The following NCBP3 variants were observed in gnomAD, a reference collection of about 807,000 sequenced individuals.
NCBP3 encodes nuclear cap-binding protein subunit 3.
A neutral mutation model predicts 75.7 loss-of-function variants in NCBP3; 20 were observed. The observed-to-expected ratio is 0.26, with a 90% CI of 0.19 to 0.38. The LOEUF (loss-of-function observed/expected upper bound fraction) is 0.38. Among genes scored for constraint, NCBP3 ranks in the 10% least tolerant of loss-of-function variants. The probability of loss-of-function intolerance (pLI) is 1.00; values close to 1 mark genes in which losing one functional copy is unlikely to be tolerated. For synonymous variants in NCBP3, 293 were observed against 290.5 expected (o/e 1.01, Z -0.09); for missense variants, 678 against 796.9 (o/e 0.85, Z 1.80).
At chr17:3,835,218 A>T (rs549915310) in intron 3 of NCBP3, among the ~76,000 whole-genome samples, 28 of 152,364 alleles carry the variant, frequency 1.8e-4, no homozygotes, top group African/African-American at 5.5e-4. Flanking sequence ...TAATTTTTTT[A>T]AAAAAGTGCC....
chr17:3,840,342 C>A, intron 2 of NCBP3, 137 bp from the exon 3 acceptor site: 2 of 680,016 alleles, frequency 2.9e-6, no homozygotes, highest in Non-Finnish European at 2.5e-6. Context: ...ATCAGTCTGG[C>A]AGAGACCTGG....
At chr17:3,816,354 G>A in intron 10 of NCBP3, 84 bp from the exon 11 acceptor site, 1 of 1,240,892 alleles carries the variant, frequency 8.1e-7, no homozygotes. Context: ...TACTTTGGAG[G>A]AAACAATTTA....
In NCBP3 at chr17:3,818,486, T is replaced by C. The variant is rs763105788; in HGVS notation, c.1087A>G (p.Met363Val). The part of the protein sequence containing the change: ...EEEEEEEDQD[M>V]DADDRVVVEY... ...ACCACCACTCTGTCATCTGCATCCA[T>C]GTCCTGGTCTTCTTCTTCCTCTTCC... is the stretch of plus-strand genomic sequence containing the variant. Residue 363 changes from methionine to valine, a missense_variant, in exon 10 of 13, where the codon ATG becomes GTG. Around this residue, in one of 7 missense-constraint regions of NCBP3, gnomAD observed 365 missense variants for 392.7 expected, o/e 0.93. Transcript: ENST00000389005. The surrounding 1 kb of genome is among the most constrained non-coding windows in gnomAD (Gnocchi z 4.7). 1.2e-6 allele frequency: 2 copies of C among 1,613,928 alleles called. No individual in the cohort carries two copies. The highest frequency in any genetic ancestry group is 1.1e-5 in the South Asian group (1 of 91,086).
chr17:3,825,049 A>G lies in NCBP3; in HGVS notation c.689T>C (p.Leu230Ser), dbSNP rs750468055. 1 of 1,486,546 alleles carries G rather than the reference A, an allele frequency of 6.7e-7. No homozygotes were observed. The highest frequency in any genetic ancestry group is 1.3e-5 in the South Asian group (1 of 77,910). The allele number at this position is 1,486,546 out of a possible 1,614,324, so 92.1% of individuals were successfully genotyped here. The change falls in exon 7 of 13, where the codon TTG becomes TCG. Residue 230 changes from leucine (L) to serine (S), a missense_variant and splice_region_variant. Transcript: ENST00000389005. ...VEDENSSDVE[L>S]DTLSQVEEES... ...CTCTTCTACCTGAGACAACGTATCC[A>G]ACTTAAGAAAGAAGAGTATTTTTAA... is the stretch of plus-strand genomic sequence containing the variant.
At chr17:3,831,822 CAAT>C (rs1358988208) in intron 3 of NCBP3, among the ~76,000 whole-genome samples, 1 of 120,808 alleles carries the variant, frequency 8.3e-6, no homozygotes, top group African/African-American at 2.5e-5. Flanking sequence ...TGACTACAGT[CAAT>C]AATAATTTAA....
At chr17:3,815,103 TC>T (rs2053504780) in intron 11 of NCBP3, among the ~76,000 whole-genome samples, 1 of 152,150 alleles carries the variant, frequency 6.6e-6, no homozygotes, top group Non-Finnish European at 1.5e-5. Context: ...CTCCAACACT[TC>T]CTAGCACTGA....
chr17:3,828,285 A>G (rs1597404795), intron 4 of NCBP3, among the ~76,000 whole-genome samples: 1 of 152,224 alleles, frequency 6.6e-6, no homozygotes, highest in East Asian at 1.9e-4. Context: ...TGTATTATTT[A>G]TAGTTGCTTT....
At chr17:3,830,021 G>A (rs1212441479) in intron 3 of NCBP3, among the ~76,000 whole-genome samples, 2 of 152,100 alleles carry the variant, frequency 1.3e-5, no homozygotes, top group East Asian at 1.9e-4. Context: ...TTTTTCCTGC[G>A]TCTCTGGTCC....
chr17:3,844,961 G>A (rs78386303), intron 1 of NCBP3, among the ~76,000 whole-genome samples: 4,100 of 152,192 alleles, frequency 0.027, 179 homozygotes, highest in African/African-American at 0.09. Flanking sequence ...AAACCATGTT[G>A]AACTGAATGA....
intron 10 of NCBP3, among the ~76,000 whole-genome samples, chr17:3,816,967 C>A (rs892854877): frequency 9.9e-5 from 15 of 152,140 alleles, no homozygotes; most frequent in African/African-American, 3.4e-4. Flanking sequence ...GCGGAGCTTG[C>A]AGTGAGCCGA....
At chr17:3,836,481 C>A (rs1439283814) in intron 3 of NCBP3, among the ~76,000 whole-genome samples, 1 of 151,666 alleles carries the variant, frequency 6.6e-6, no homozygotes, top group Non-Finnish European at 1.5e-5. Flanking sequence ...GGTGAAACCC[C>A]GTCTCTACTA....
intron 2 of NCBP3, 67 bp downstream of exon 2, chr17:3,843,019 C>T: frequency 8.2e-7 from 1 of 1,219,330 alleles, no homozygotes; most frequent in South Asian, 1.3e-5. Context: ...CTGTTATGTC[C>T]TAGGGATCAA....
intron 3 of NCBP3, among the ~76,000 whole-genome samples, chr17:3,839,417 G>A (rs1222628918): frequency 6.6e-6 from 1 of 151,970 alleles, no homozygotes; most frequent in African/African-American, 2.4e-5. Flanking sequence ...GTGCAATCTC[G>A]GATCACGGCA....
intron 9 of NCBP3, among the ~76,000 whole-genome samples, chr17:3,819,340 G>A (rs920113277): frequency 3.3e-5 from 5 of 152,056 alleles, no homozygotes; most frequent in Non-Finnish European, 5.9e-5. Flanking sequence ...GGCAGATCAC[G>A]AGGTCAGGAA....
In NCBP3 at chr17:3,812,458, A is replaced by G. The variant is rs748072285; in HGVS notation, c.*586T>C. 4.6e-5 allele frequency: 44 copies of G among 961,532 alleles called. No homozygotes were observed. The highest frequency in any genetic ancestry group is 5.3e-5 in the Non-Finnish European group (43 of 807,538). The allele number at this position is 961,532 out of a possible 1,614,324, so 59.6% of individuals were successfully genotyped here. A position where few individuals can be genotyped will look rare whatever the true frequency, so the allele number is the denominator to read the frequency against. On this transcript the variant is annotated 3_prime_UTR_variant, in exon 13 of 13. Coordinates refer to ENST00000389005, the MANE Select transcript of NCBP3 (RefSeq NM_001114118.3). ...TGCCATGAGCAATCCCCGAGGGAAG[A>G]ACGGAAGCACAGTCAATGCTGCAGC... is the stretch of plus-strand genomic sequence containing the variant.
chr17:3,804,742 T>C lies in NCBP3; in HGVS notation c.*8302A>G, dbSNP rs2053319253. ...GTACTCACGACCTTTGAACACTCGGTAGGAGTGCCCTGCTCAGTGCCAAGG... is the reference window on the plus strand; with the variant it reads ...GTACTCACGACCTTTGAACACTCGGCAGGAGTGCCCTGCTCAGTGCCAAGG... On this transcript the variant is annotated 3_prime_UTR_variant, in exon 13 of 13. Transcript: ENST00000389005. The C allele has an allele frequency of 6.6e-6, 1 of 152,146 alleles. No individual in the cohort carries two copies. The allele number at this position is 152,146 out of a possible 1,614,324, so 9.4% of individuals were successfully genotyped here.
At chr17:3,825,680 C>A (rs758582471) in intron 6 of NCBP3, 87 bp downstream of exon 6, 2 of 951,508 alleles carry the variant, frequency 2.1e-6, no homozygotes, top group South Asian at 3.0e-5. Flanking sequence ...AGAGAAAAAA[C>A]GTAACTAAGT....
At chr17:3,838,273 C>G (rs532837242) in intron 3 of NCBP3, among the ~76,000 whole-genome samples, 1 of 152,362 alleles carries the variant, frequency 6.6e-6, no homozygotes, top group South Asian at 2.1e-4. Context: ...GAATGAAAGG[C>G]ATGAGCCGTA....
intron 3 of NCBP3, among the ~76,000 whole-genome samples, chr17:3,835,149 G>C (rs547558733): frequency 1.3e-4 from 20 of 152,220 alleles, no homozygotes; most frequent in Non-Finnish European, 4.4e-5. Context: ...GCACTCAGCA[G>C]ACTGAAAGCA....
Sources: allele counts gnomAD v4.1 joint callset (sites outside exome capture counted in the v4.1 genomes callset), GRCh38; gene constraint gnomAD v4.1.1; regional missense constraint gnomAD v4.1.1; non-coding constraint Gnocchi (gnomAD v3.1); transcripts MANE v1.5; gene names NCBI Gene and HGNC (gene_info 2026-07-23, HGNC 2026-07-21).